Variants in PAPPA2 observed in about 807,000 individuals in gnomAD.
PAPPA2 encodes pappalysin 2, also known as pappalysin-2.
A neutral mutation model predicts 176.4 loss-of-function variants in PAPPA2; 86 were observed. That is an observed-to-expected ratio of 0.49 (90% confidence interval 0.41 to 0.58). The LOEUF (loss-of-function observed/expected upper bound fraction) is 0.58, where lower values mean the gene tolerates loss of function less well. PAPPA2 is among the 20% of genes least tolerant of loss of function. The pLI is 0.00. For synonymous variants in PAPPA2, 809 were observed against 852.2 expected, an observed-to-expected ratio of 0.95 and a Z score of 0.88; for missense variants, 2,073 against 2,256.9, an observed-to-expected ratio of 0.92 and a Z score of 1.65.
At chr1:176,695,964 G>A in intron 7 of PAPPA2, 105 bp downstream of exon 7, 1 of 1,254,820 alleles carries the variant, frequency 8.0e-7, no homozygotes, top group African/African-American at 1.6e-5. Flanking sequence ...CAATGTATGT[G>A]TATGTGTGTG....
chr1:176,774,264 G>A (rs1325600), intron 17 of PAPPA2, among the ~76,000 whole-genome samples: 93,318 of 151,930 alleles, frequency 0.61, 30,478 homozygotes, highest in African/African-American at 0.85. Flanking sequence ...TACCATCTGC[G>A]TGCTGATGAT....
At chr1:176,559,704 T>C (rs1651545120) in intron 2 of PAPPA2, among the ~76,000 whole-genome samples, 1 of 152,226 alleles carries the variant, frequency 6.6e-6, no homozygotes, top group African/African-American at 2.4e-5. Flanking sequence ...CTATGCAGAA[T>C]GACAATAGAA....
intron 1 of PAPPA2, among the ~76,000 whole-genome samples, chr1:176,528,819 T>C (rs1280201434): frequency 1.3e-5 from 2 of 152,160 alleles, no homozygotes; most frequent in Admixed American, 6.5e-5. Flanking sequence ...TCCCCCACCA[T>C]GTGTGTCTAC....
chr1:176,711,949 A>G lies in PAPPA2; in HGVS notation c.3766A>G (p.Ser1256Gly). 1 of 1,613,516 alleles carries G rather than the reference A, an allele frequency of 6.2e-7. No homozygotes were observed. Among genetic ancestry groups the G allele is most frequent in the Non-Finnish European group, 8.5e-7 (1 of 1,179,486 alleles). ...TGACAGGAGTGAACAGCCAGAAGGT[A>G]GCCTGAAGAAAGAGGATGAGGTTTG... ...QDDRSEQPEG[S>G]LKKEDEVWLK... Residue 1256 changes from serine to glycine, a missense_variant, in exon 12 of 23, where the codon AGC (serine) becomes GGC (glycine). Physicochemically the swap from Ser to Gly is moderately conservative, Grantham distance 56. Coordinates refer to ENST00000367662, the MANE Select transcript of PAPPA2 (RefSeq NM_020318.3).
intron 3 of PAPPA2, among the ~76,000 whole-genome samples, chr1:176,602,923 A>G (rs1362207740): frequency 1.3e-5 from 2 of 152,210 alleles, no homozygotes; most frequent in African/African-American, 4.8e-5. Context: ...CACAGTTCCA[A>G]TAGGCACCGT....
intron 1 of PAPPA2, among the ~76,000 whole-genome samples, chr1:176,472,209 T>G (rs963584037): frequency 2.6e-5 from 4 of 152,222 alleles, no homozygotes; most frequent in Non-Finnish European, 5.9e-5. Context: ...ATTCTTTTAT[T>G]CAATTGTTTT....
rs367816418 is a variant in PAPPA2 at position 176,680,996 on chromosome 1, G to A, written c.2138-9141G>A. Among the ~76,000 whole-genome samples, 18 of 152,174 alleles carry A rather than the reference G, an allele frequency of 1.2e-4. No homozygotes were observed. The East Asian group carries it at 1.4e-3, about 11-fold the overall frequency. On this transcript the variant is annotated intron_variant, in intron 4 of 22. Coordinates refer to ENST00000367662, the MANE Select transcript of PAPPA2 (RefSeq NM_020318.3). ...TGCCAAGGTGGAAAATGTAGGAAAA[G>A]GAAAAGCAAATGGGGAGCCAGTTTG...
At chr1:176,774,844 G>C (rs1664386280) in intron 17 of PAPPA2, among the ~76,000 whole-genome samples, 1 of 152,142 alleles carries the variant, frequency 6.6e-6, no homozygotes, top group African/African-American at 2.4e-5. Context: ...CAGCCTCATT[G>C]CTCACTATCT....
chr1:176,464,578 G>C (rs1234669694), intron 1 of PAPPA2, among the ~76,000 whole-genome samples: 1 of 152,154 alleles, frequency 6.6e-6, no homozygotes, highest in Non-Finnish European at 1.5e-5. Context: ...GATGAGGTAC[G>C]ATATTGGGTG....
Position 176,660,090 on chromosome 1 carries a change from G to A in PAPPA2, c.1992-10880G>A, listed in dbSNP as rs536386758. On this transcript the variant is annotated intron_variant, in intron 3 of 22. Coordinates refer to ENST00000367662, the MANE Select transcript of PAPPA2 (RefSeq NM_020318.3). Reference sequence around the variant, plus strand: ...GGTTGCCAGATTTTCCTCCTTTTTAGTCTACCTCTTCTGGGCAAGTCTTCC... The same window carrying A: ...GGTTGCCAGATTTTCCTCCTTTTTAATCTACCTCTTCTGGGCAAGTCTTCC... 1.4e-4 allele frequency among the ~76,000 whole-genome samples: 21 copies of A among 152,036 alleles called. No homozygotes were observed. In the South Asian group the frequency reaches 4.2e-3, roughly 30 times the overall value.
intron 21 of PAPPA2, among the ~76,000 whole-genome samples, chr1:176,805,991 CAAAAA>C (rs11439850): frequency 5.2e-5 from 4 of 76,636 alleles, no homozygotes; most frequent in African/African-American, 2.1e-4. Flanking sequence ...CTGTCTCTCT[CAAAAA>C]AAAAAAAAAA....
chr1:176,793,539 T>A, intron 19 of PAPPA2, 21 bp from the exon 20 acceptor site: 2 of 1,569,732 alleles, frequency 1.3e-6, no homozygotes, highest in Non-Finnish European at 1.8e-6. Context: ...AAGTCTCTGC[T>A]GTAAACTTCT....
At chr1:176,838,108 C>A (rs1344660632) in intron 21 of PAPPA2, among the ~76,000 whole-genome samples, 2 of 152,114 alleles carry the variant, frequency 1.3e-5, no homozygotes, top group Non-Finnish European at 2.9e-5. Context: ...AGAAATAATT[C>A]CCAGGCTATA....
intron 3 of PAPPA2, among the ~76,000 whole-genome samples, chr1:176,637,900 C>G (rs1656817910): frequency 6.6e-6 from 1 of 151,934 alleles, no homozygotes; most frequent in Non-Finnish European, 1.5e-5. Context: ...GACTGCCAAC[C>G]TTTTCTTTAG....
chr1:176,700,466 G>A (rs1007966937), intron 8 of PAPPA2, among the ~76,000 whole-genome samples: 2 of 152,192 alleles, frequency 1.3e-5, no homozygotes, highest in African/African-American at 4.8e-5. Context: ...AGGTAGGTTG[G>A]GTGCTCTCAT....
intron 2 of PAPPA2, among the ~76,000 whole-genome samples, chr1:176,590,549 C>T (rs1418910131): frequency 6.6e-6 from 1 of 152,116 alleles, no homozygotes; most frequent in Non-Finnish European, 1.5e-5. Context: ...TTATTAATCA[C>T]TTTATTTGAG....
At chr1:176,787,559 A>G (rs562585916) in intron 17 of PAPPA2, among the ~76,000 whole-genome samples, 95 of 152,280 alleles carry the variant, frequency 6.2e-4, no homozygotes, top group Non-Finnish European at 1.0e-3. Flanking sequence ...CTATTGCAAA[A>G]TGTCCTTGGG....
chr1:176,656,931 A>T (rs529287081), intron 3 of PAPPA2, among the ~76,000 whole-genome samples: 8 of 151,880 alleles, frequency 5.3e-5, no homozygotes, highest in Middle Eastern at 3.4e-3. Flanking sequence ...TTACACTTTG[A>T]CTTTAGAGGT....
intron 3 of PAPPA2, among the ~76,000 whole-genome samples, chr1:176,596,617 G>T (rs1407333681): frequency 6.6e-6 from 1 of 152,194 alleles, no homozygotes; most frequent in East Asian, 1.9e-4. Flanking sequence ...TCATGTGTTT[G>T]TCTGTTTTTC....
Sources: gnomAD v4.1 joint callset for allele counts (sites outside exome capture counted in the v4.1 genomes callset) on GRCh38, gnomAD v4.1.1 for gene constraint, MANE v1.5 for transcripts, NCBI Gene and HGNC (gene_info 2026-07-23, HGNC 2026-07-21) for gene names.